ZNF569: variants seen among roughly 807,000 people sequenced by gnomAD.
The protein encoded by ZNF569 is DNA-binding protein.
ZNF569 carries 38 observed loss-of-function variants against 56.3 expected under a neutral mutation model. The ratio of observed to expected loss-of-function variants is 0.68; its 90% CI spans 0.52 to 0.88. ZNF569 has a LOEUF of 0.88. ZNF569 is among the 40% of genes least tolerant of loss of function. The pLI, the probability that ZNF569 is intolerant of heterozygous loss-of-function variation, is 0.00. For synonymous variants in ZNF569, 241 were observed against 262.9 expected (o/e 0.92, Z 0.81); for missense variants, 666 against 809.2 (o/e 0.82, Z 2.15).
chr19:37,421,280 C>T (rs2041031040), intron 5 of ZNF569, among the ~76,000 whole-genome samples: 2 of 152,294 alleles, frequency 1.3e-5, no homozygotes, highest in South Asian at 4.1e-4. Context: ...GTCAGTCTGT[C>T]ATTTGAAACT....
intron 2 of ZNF569, among the ~76,000 whole-genome samples, chr19:37,463,873 T>C (rs2146982220): frequency 6.6e-6 from 1 of 152,260 alleles, no homozygotes; most frequent in East Asian, 1.9e-4. Flanking sequence ...AGTTAAAATA[T>C]TTTTAATAGA....
upstream of ZNF569, chr19:37,468,149 C>T (rs77600815): frequency 7.0e-4 from 399 of 573,832 alleles, no homozygotes; most frequent in African/African-American, 7.0e-3. Context: ...TGCAGCGGCG[C>T]GATGTTGGCT....
chr19:37,455,062 C>G (rs1299152134), intron 2 of ZNF569: 7 of 528,474 alleles, frequency 1.3e-5, no homozygotes, highest in Non-Finnish European at 2.3e-5. Flanking sequence ...TTCTTTCCAG[C>G]TGTTTACATC....
At chr19:37,454,924 A>G (rs1411389239) in intron 2 of ZNF569, 3 of 699,714 alleles carry the variant, frequency 4.3e-6, no homozygotes, top group Non-Finnish European at 7.8e-6. Context: ...CCCCAGATTT[A>G]AGATTACTTG....
intron 2 of ZNF569, among the ~76,000 whole-genome samples, chr19:37,454,639 A>G (rs999075247): frequency 6.6e-6 from 1 of 152,058 alleles, no homozygotes; most frequent in Non-Finnish European, 1.5e-5. Context: ...AGCTAACACC[A>G]CAAGGAAAGG....
chr19:37,414,475 T>G, intron 5 of ZNF569, 56 bp from the exon 6 acceptor site: 1 of 1,513,808 alleles, frequency 6.6e-7, no homozygotes, highest in Non-Finnish European at 8.8e-7. Context: ...TATTGTAATA[T>G]GAAGAACATT....
intron 2 of ZNF569, among the ~76,000 whole-genome samples, chr19:37,454,449 G>A (rs921382934): frequency 2.0e-5 from 3 of 152,040 alleles, no homozygotes; most frequent in Non-Finnish European, 4.4e-5. Context: ...TTGCCGCTCT[G>A]CCAGCTGTAG....
chr19:37,451,129 G>A (rs940848830), intron 2 of ZNF569, among the ~76,000 whole-genome samples: 1 of 151,586 alleles, frequency 6.6e-6, no homozygotes, highest in Non-Finnish European at 1.5e-5. Flanking sequence ...GCCAGGCACG[G>A]TGGCTCATGC....
chr19:37,421,018 T>C (rs1250538676), intron 5 of ZNF569, among the ~76,000 whole-genome samples: 1 of 152,238 alleles, frequency 6.6e-6, no homozygotes, highest in African/African-American at 2.4e-5. Context: ...CCAAGTGCAC[T>C]GTCAATGAGC....
chr19:37,413,941 C>T lies in ZNF569; in HGVS notation c.717G>A (p.Glu239=). ...CACATTCATTACATTTGTAAGACTGCTCCCTACTGTGAATTTTATAATGTT... is the reference window on the plus strand; with the variant it reads ...CACATTCATTACATTTGTAAGACTGTTCCCTACTGTGAATTTTATAATGTT... ...LIKHYKIHSR[E]QSYKCNECGK... Residue 239 remains glutamate (E), a synonymous_variant, in exon 6 of 6, where the codon GAG becomes GAA. Coordinates refer to ENST00000316950, the MANE Select transcript of ZNF569 (RefSeq NM_152484.3). 6.2e-7 allele frequency: 1 copy of T among 1,613,398 alleles called. No homozygotes were observed. Among genetic ancestry groups the T allele is most frequent in the Admixed American group, 1.7e-5 (1 of 60,012 alleles).
chr19:37,452,813 G>C (rs1353669706), intron 2 of ZNF569, among the ~76,000 whole-genome samples: 1 of 151,996 alleles, frequency 6.6e-6, no homozygotes, highest in Non-Finnish European at 1.5e-5. Context: ...TTTATTTTGT[G>C]TCCTTTGTGC....
chr19:37,443,624 A>G (rs747453625), intron 3 of ZNF569, among the ~76,000 whole-genome samples: 2 of 152,200 alleles, frequency 1.3e-5, no homozygotes, highest in South Asian at 2.1e-4. Flanking sequence ...CTCAATCAGC[A>G]GCAAATGCCC....
At chr19:37,442,407 T>C (rs2041421436) in intron 3 of ZNF569, among the ~76,000 whole-genome samples, 1 of 152,014 alleles carries the variant, frequency 6.6e-6, no homozygotes, top group Non-Finnish European at 1.5e-5. Flanking sequence ...GAAAGGTTAG[T>C]GAGGGTGAAA....
rs778293381 is a variant in ZNF569, at chr19:37,414,294, C to G, written c.364G>C (p.Val122Leu). 2.9e-5 allele frequency: 46 copies of G among 1,613,506 alleles called. 1 individual carries two copies. In the South Asian group the frequency reaches 4.9e-4, roughly 17 times the overall value. ...AAAAAATCAGAGTTCAGAGGAAATA[C>G]ATTTGCAAATTTCTTTTGACATTCA... ...GNECQKKFAN[V>L]FPLNSDFFPS... Residue 122 changes from valine to leucine, a missense_variant, in exon 6 of 6, where the codon GTA becomes CTA. Transcript: ENST00000316950.
At chr19:37,441,656 A>G (rs2041408713) in intron 3 of ZNF569, among the ~76,000 whole-genome samples, 1 of 143,526 alleles carries the variant, frequency 7.0e-6, no homozygotes, top group East Asian at 2.0e-4. Context: ...ACCCTGTTTC[A>G]AAAAAAAAAA....
chr19:37,448,937 T>A (rs924118573), intron 2 of ZNF569, among the ~76,000 whole-genome samples: 4 of 152,188 alleles, frequency 2.6e-5, no homozygotes, highest in Non-Finnish European at 5.9e-5. Flanking sequence ...AGTGTAGTAA[T>A]GATTTTTCTA....
intron 2 of ZNF569, among the ~76,000 whole-genome samples, chr19:37,464,411 G>C (rs889428871): frequency 6.6e-6 from 1 of 152,056 alleles, no homozygotes; most frequent in African/African-American, 2.4e-5. Context: ...GGATGGTCTC[G>C]ATCTCCTGAC....
Position 37,455,146 on chromosome 19 carries a change from C to T in ZNF569, c.-44+10167G>A, listed in dbSNP as rs1183976863. 8.4e-6 allele frequency: 3 copies of T among 356,562 alleles called. No homozygotes were observed. In the East Asian group the frequency reaches 1.4e-4, roughly 16 times the overall value. The allele number at this position is 356,562 out of a possible 1,614,324, so 22.1% of individuals were successfully genotyped here. ...TCCTTCAGTTTATTTTGTCATGGGG[C>T]TCAAAAATACCTTGCAAATAAAGTT... is the stretch of plus-strand genomic sequence containing the variant. On this transcript the variant is annotated intron_variant, in intron 2 of 5. Transcript: ENST00000316950.
Position 37,454,705 on chromosome 19 carries a change from A to T in ZNF569, c.-43-9741T>A, listed in dbSNP as rs1361716522. ...GAGTGCCTGTTGGGATTCCCAGAGG[A>T]AAAGCCTACAAGAGACTGCAACCCC... On this transcript the variant is annotated intron_variant, in intron 2 of 5. Coordinates refer to ENST00000316950, the MANE Select transcript of ZNF569 (RefSeq NM_152484.3). 1.8e-5 allele frequency: 11 copies of T among 595,234 alleles called. 1 individual carries two copies. The allele number at this position is 595,234 out of a possible 1,614,324, so 36.9% of individuals were successfully genotyped here. A position where few individuals can be genotyped will look rare whatever the true frequency, so the allele number is the denominator to read the frequency against.
Sources: allele counts gnomAD v4.1 joint callset (sites outside exome capture counted in the v4.1 genomes callset), GRCh38; gene constraint gnomAD v4.1.1; transcripts MANE v1.5; gene names NCBI Gene and HGNC (gene_info 2026-07-23, HGNC 2026-07-21).